Variants in ZFHX3 observed in about 807,000 individuals in gnomAD.
The protein encoded by ZFHX3 is zinc finger homeobox 3, also known as zinc finger homeobox protein 3.
A neutral mutation model predicts 279.1 loss-of-function variants in ZFHX3; 42 were observed. That is an observed-to-expected ratio of 0.15 (90% CI 0.12 to 0.19). The LOEUF is 0.19. Ranked by LOEUF, ZFHX3 falls within the 10% of genes least tolerant of loss-of-function variation. The pLI, the probability that ZFHX3 is intolerant of heterozygous loss-of-function variation, is 1.00. For synonymous variants in ZFHX3, 2,293 were observed against 1,957.8 expected, an observed-to-expected ratio of 1.17 and a Z score of -4.52; for missense variants, 4,981 against 4,754.0, an observed-to-expected ratio of 1.05 and a Z score of -1.40.
chr16:73,279,891 T>C (rs34230537), intron 4 of ZFHX3, among the ~76,000 whole-genome samples: 8,576 of 152,252 alleles, frequency 0.056, 427 homozygotes, highest in African/African-American at 0.14. Context: ...ATAACAACTA[T>C]GCACGACAGA....
At chr16:73,111,670 CGAA>C (rs1567391497) in intron 7 of ZFHX3, among the ~76,000 whole-genome samples, 2 of 57,550 alleles carry the variant, frequency 3.5e-5, no homozygotes, top group Non-Finnish European at 6.7e-5. Flanking sequence ...AAGGAGAGAG[CGAA>C]AGAGAGGAAG....
At chr16:73,156,470 T>G (rs1967088040) in intron 5 of ZFHX3, among the ~76,000 whole-genome samples, 1 of 152,176 alleles carries the variant, frequency 6.6e-6, no homozygotes, top group African/African-American at 2.4e-5. Context: ...TCCGTCATCA[T>G]TTCAAGAAGA....
intron 1 of ZFHX3, among the ~76,000 whole-genome samples, chr16:73,796,777 G>A (rs908808243): frequency 6.6e-6 from 1 of 152,128 alleles, no homozygotes; most frequent in Non-Finnish European, 1.5e-5. Flanking sequence ...ATGGCAAAGG[G>A]GACCCAAAAC....
Position 73,105,341 on chromosome 16 carries a change from G to GTGTATATA in ZFHX3, c.-896-11744_-896-11743insTATATACA, listed in dbSNP as rs572337087. Among the ~76,000 whole-genome samples, 70 of 109,654 alleles carry GTGTATATA rather than the reference G, an allele frequency of 6.4e-4. 2 individuals are homozygous for GTGTATATA. The highest frequency in any genetic ancestry group is 2.2e-3 in the African/African-American group (67 of 30,970). 71.9% of individuals were successfully genotyped at this position (109,654 alleles called of 152,430 possible). ...CACACATACACACACACACACGTGTGTATATATATATACACATATATATAC... is the reference window on the plus strand; with the variant it reads ...CACACATACACACACACACACGTGTGTGTATATATATATATATATACACATATATATAC... On this transcript the variant is annotated intron_variant, in intron 7 of 17. Transcript: ENST00000641206.
At chr16:72,893,539 A>G (rs2144094070) in intron 3 of ZFHX3, among the ~76,000 whole-genome samples, 1 of 147,310 alleles carries the variant, frequency 6.8e-6, no homozygotes, top group African/African-American at 2.6e-5. Flanking sequence ...GGGTACTCAC[A>G]CTTTAAAAAA....
intron 1 of ZFHX3, among the ~76,000 whole-genome samples, chr16:73,033,653 TCA>T (rs1248817280): frequency 2.0e-5 from 3 of 152,106 alleles, no homozygotes; most frequent in East Asian, 1.9e-4. Context: ...CCTCACACTT[TCA>T]CAGTTTTTTT....
chr16:73,764,823 C>T (rs117372648), intron 1 of ZFHX3, among the ~76,000 whole-genome samples: 11 of 152,294 alleles, frequency 7.2e-5, no homozygotes, highest in Admixed American at 2.0e-4. Flanking sequence ...CCTGCTTCTC[C>T]CTAAATTCAT....
At chr16:73,140,076 G>C (rs977310519) in intron 6 of ZFHX3, among the ~76,000 whole-genome samples, 1 of 151,980 alleles carries the variant, frequency 6.6e-6, no homozygotes, top group East Asian at 1.9e-4. Context: ...AGACCAGCTT[G>C]GGCAACATAG....
chr16:72,982,732 A>G (rs1040615626), intron 1 of ZFHX3, among the ~76,000 whole-genome samples: 8 of 152,186 alleles, frequency 5.3e-5, no homozygotes, highest in African/African-American at 1.9e-4. Flanking sequence ...TGCTGAAGCA[A>G]GGATCTTTGG....
chr16:73,473,767 T>C (rs1206841133), intron 2 of ZFHX3, among the ~76,000 whole-genome samples: 2 of 152,232 alleles, frequency 1.3e-5, no homozygotes, highest in South Asian at 4.1e-4. Flanking sequence ...GGTTTTCCCA[T>C]CTGTTTCTTT....
intron 1 of ZFHX3, among the ~76,000 whole-genome samples, chr16:73,755,166 G>A (rs1012532874): frequency 9.9e-5 from 15 of 152,070 alleles, no homozygotes; most frequent in Non-Finnish European, 1.5e-4. Flanking sequence ...CCACTCATCC[G>A]TACTCCCTGA....
In ZFHX3 at chr16:72,959,324, G is replaced by C. The variant is rs1347098403; in HGVS notation, c.822C>G (p.Leu274=). ...TCAGGATGGGCTTCCTCTTGCCATA[G>C]AGCACAAAGCCATCGAATTTGGACA... is the stretch of plus-strand genomic sequence containing the variant. ...VDLSKFDGFV[L]YGKRKPILMC... The change falls in exon 2 of 10, where the codon CTC becomes CTG. Residue 274 remains leucine, a synonymous_variant. Transcript: ENST00000268489. The C allele has an allele frequency of 1.2e-6, 2 of 1,614,226 alleles. No homozygotes were observed. The highest frequency in any genetic ancestry group is 1.3e-5 in the African/African-American group (1 of 75,064).
At chr16:73,040,363 G>A (rs557744149) in intron 1 of ZFHX3, among the ~76,000 whole-genome samples, 1 of 152,258 alleles carries the variant, frequency 6.6e-6, no homozygotes, top group East Asian at 1.9e-4. Context: ...TAGAGGGGAG[G>A]CACATGATAA....
At position 73,810,395 on chromosome 16, in the gene ZFHX3, A is replaced by G. The variant is rs1303927911; in HGVS notation, c.-1608+81256T>C. ...TTACAAATAAAGGTTCTTTAAAAAG[A>G]TAAGTCTTTAATTATTTGGTTATTA... is the stretch of plus-strand genomic sequence containing the variant. On this transcript the variant is annotated intron_variant, in intron 1 of 17. Transcript: ENST00000641206. Among the ~76,000 whole-genome samples, 8 of 152,338 alleles carry G rather than the reference A, an allele frequency of 5.3e-5. No individual in the cohort carries two copies. In the East Asian group the frequency reaches 1.4e-3, roughly 26 times the overall value.
rs572312790 is a variant in ZFHX3, at chr16:73,882,069, T to G, written c.-1608+9582A>C. Among the ~76,000 whole-genome samples the G allele has an allele frequency of 2.1e-4, 32 of 152,318 alleles. No individual in the cohort carries two copies. The South Asian group carries it at 4.6e-3, about 22-fold the overall frequency. ...TTTGAAGATGAAAAGCACCGCTAAG[T>G]GCTAAGTGTAAAACGGCATTAGTAA... On this transcript the variant is annotated intron_variant, in intron 1 of 17. Transcript: ENST00000641206.
chr16:73,179,721 T>C (rs2144876781), intron 5 of ZFHX3, among the ~76,000 whole-genome samples: 1 of 152,114 alleles, frequency 6.6e-6, no homozygotes, highest in East Asian at 1.9e-4. Context: ...ACAGGGTCCT[T>C]TATACGCATC....
At chr16:73,836,685 TG>T (rs1961152053) in intron 1 of ZFHX3, among the ~76,000 whole-genome samples, 1 of 152,352 alleles carries the variant, frequency 6.6e-6, no homozygotes, top group Non-Finnish European at 1.5e-5. Context: ...TTCCTGCCTC[TG>T]GCATTGTTGA....
At chr16:73,333,654 A>G (rs1344658583) in intron 3 of ZFHX3, among the ~76,000 whole-genome samples, 1 of 152,016 alleles carries the variant, frequency 6.6e-6, no homozygotes, top group African/African-American at 2.4e-5. Flanking sequence ...TGGATTTTCT[A>G]GGGGTAACAA....
chr16:73,644,676 A>G (rs1231205600), intron 2 of ZFHX3, among the ~76,000 whole-genome samples: 1 of 95,066 alleles, frequency 1.1e-5, no homozygotes, highest in Non-Finnish European at 2.8e-5. Context: ...AAAATAAAAC[A>G]AAACTAAACA....
Sources: gnomAD v4.1 joint callset for allele counts (sites outside exome capture counted in the v4.1 genomes callset) on GRCh38, gnomAD v4.1.1 for gene constraint, MANE v1.5 for transcripts, NCBI Gene and HGNC (gene_info 2026-07-23, HGNC 2026-07-21) for gene names.